ERC2: variants seen among roughly 807,000 people sequenced by gnomAD.
The protein encoded by ERC2 is ELKS/RAB6-interacting/CAST family member 2.
Under a neutral mutation model 114.8 loss-of-function variants are expected in ERC2, and 42 were observed. The ratio of observed to expected loss-of-function variants is 0.37; its 90% CI spans 0.29 to 0.47. ERC2 has a LOEUF of 0.47. ERC2 is among the 20% of genes least tolerant of loss of function. ERC2 has a pLI of 0.99. For missense variants in ERC2, 939 were observed against 1,150.7 expected, an observed-to-expected ratio of 0.82 and a Z score of 2.66; for synonymous variants, 454 against 425.5, an observed-to-expected ratio of 1.07 and a Z score of -0.82.
At chr3:56,120,245 G>A (rs1359696588) in intron 6 of ERC2, among the ~76,000 whole-genome samples, 1 of 152,160 alleles carries the variant, frequency 6.6e-6, no homozygotes, top group Non-Finnish European at 1.5e-5. Context: ...ATCAGCTTTC[G>A]ATTGGGCGCC....
intron 14 of ERC2, among the ~76,000 whole-genome samples, chr3:55,800,359 G>A (rs1255763481): frequency 6.6e-6 from 1 of 152,024 alleles, no homozygotes; most frequent in Non-Finnish European, 1.5e-5. Context: ...GGTCAGGCTG[G>A]TCTCGAACTC....
rs1215882539 is a variant in ERC2 at position 56,007,281 on chromosome 3, G to T, written c.1961C>A (p.Ala654Asp). Reference protein sequence around the residue: ...IDLKEHASSLASAGLKRDSKL... With the variant: ...IDLKEHASSLDSAGLKRDSKL... The stretch of plus-strand genomic sequence containing the variant: ...GGAATCCCTTTTCAGCCCCGCAGAG[G>T]CTAATGAAGATGCATGTTCTTTGAG... The change falls in exon 10 of 18, where the codon GCC becomes GAC. Residue 654 changes from alanine to aspartate, a missense_variant. Coordinates refer to ENST00000288221, the MANE Select transcript of ERC2 (RefSeq NM_015576.3). 6.3e-7 allele frequency: 1 copy of T among 1,598,850 alleles called. No homozygotes were observed.
At chr3:55,991,251 T>C (rs1295752563) in intron 11 of ERC2, among the ~76,000 whole-genome samples, 1 of 152,230 alleles carries the variant, frequency 6.6e-6, no homozygotes, top group Non-Finnish European at 1.5e-5. Flanking sequence ...TTTGGTGATC[T>C]CTTCCATATG....
At chr3:55,539,426 T>TC (rs1432703351) in intron 17 of ERC2, among the ~76,000 whole-genome samples, 1 of 111,404 alleles carries the variant, frequency 9.0e-6, no homozygotes. Context: ...TTTTTTTTTT[T>TC]TTTTTTTTTT....
chr3:56,132,671 G>A (rs1281286333), intron 6 of ERC2, among the ~76,000 whole-genome samples: 1 of 152,128 alleles, frequency 6.6e-6, no homozygotes, highest in East Asian at 1.9e-4. Flanking sequence ...TACTATAAAT[G>A]TACGACATGT....
At chr3:56,146,896 T>C (rs2081173172) in intron 5 of ERC2, among the ~76,000 whole-genome samples, 2 of 152,194 alleles carry the variant, frequency 1.3e-5, no homozygotes, top group South Asian at 4.1e-4. Context: ...TAACTAGCCA[T>C]TAAAAGTTAA....
intron 7 of ERC2, among the ~76,000 whole-genome samples, chr3:56,043,319 C>T (rs1176701727): frequency 6.6e-6 from 1 of 152,044 alleles, no homozygotes; most frequent in Non-Finnish European, 1.5e-5. Context: ...GGCAAAAGTA[C>T]ATTTGCACAC....
chr3:55,808,088 A>G (rs73834022), intron 14 of ERC2, among the ~76,000 whole-genome samples: 9,880 of 152,208 alleles, frequency 0.065, 508 homozygotes, highest in African/African-American at 0.14. Context: ...CTAATAAATC[A>G]TCTAAGTCTG....
At chr3:56,466,506 A>G (rs1329295459) in intron 1 of ERC2, among the ~76,000 whole-genome samples, 1 of 152,172 alleles carries the variant, frequency 6.6e-6, no homozygotes, top group Non-Finnish European at 1.5e-5. Flanking sequence ...CCAAAACTGT[A>G]AAAGTATTTT....
At chr3:56,215,409 A>C (rs1371687504) in intron 3 of ERC2, among the ~76,000 whole-genome samples, 2 of 152,256 alleles carry the variant, frequency 1.3e-5, no homozygotes, top group African/African-American at 4.8e-5. Flanking sequence ...CCATTACATA[A>C]TGGTAAAGGG....
chr3:55,978,554 G>A (rs774819626), intron 12 of ERC2, among the ~76,000 whole-genome samples: 67 of 152,144 alleles, frequency 4.4e-4, no homozygotes, highest in Non-Finnish European at 8.7e-4. Context: ...GTTACTCTTG[G>A]CATGAAAATC....
At chr3:56,445,664 C>T (rs1043608313) in intron 1 of ERC2, among the ~76,000 whole-genome samples, 1 of 152,142 alleles carries the variant, frequency 6.6e-6, no homozygotes, top group African/African-American at 2.4e-5. Context: ...CAGCCAACAG[C>T]CCCCGCCTCC....
chr3:55,807,615 A>T (rs1436570148), intron 14 of ERC2, among the ~76,000 whole-genome samples: 4 of 149,046 alleles, frequency 2.7e-5, no homozygotes, highest in African/African-American at 1.0e-4. Context: ...AAATAAAATT[A>T]AAGGACTGGA....
chr3:55,867,486 A>C (rs935990038), intron 14 of ERC2, among the ~76,000 whole-genome samples: 1 of 152,202 alleles, frequency 6.6e-6, no homozygotes, highest in Non-Finnish European at 1.5e-5. Context: ...TGGGTGGTGG[A>C]GGGAGGGGAA....
intron 3 of ERC2, among the ~76,000 whole-genome samples, chr3:56,212,670 A>C (rs550121456): frequency 6.6e-6 from 1 of 152,330 alleles, no homozygotes; most frequent in South Asian, 2.1e-4. Context: ...ATAGCGGCAC[A>C]ATTTGCAATT....
At chr3:55,829,721 T>C (rs995438942) in intron 14 of ERC2, among the ~76,000 whole-genome samples, 3 of 152,128 alleles carry the variant, frequency 2.0e-5, no homozygotes, top group Non-Finnish European at 4.4e-5. Context: ...TGTCTCACTA[T>C]ATTGCCCAGG....
intron 2 of ERC2, among the ~76,000 whole-genome samples, chr3:56,420,522 A>G (rs1041446189): frequency 6.6e-6 from 1 of 151,914 alleles, no homozygotes; most frequent in African/African-American, 2.4e-5. Flanking sequence ...ACTTACTTCT[A>G]AAAGTTTACA....
chr3:55,557,533 G>A (rs2055703420), intron 17 of ERC2, among the ~76,000 whole-genome samples: 1 of 152,234 alleles, frequency 6.6e-6, no homozygotes, highest in Non-Finnish European at 1.5e-5. Flanking sequence ...CCACCCCTTG[G>A]GGGAATCCTT....
intron 3 of ERC2, among the ~76,000 whole-genome samples, chr3:56,264,125 A>C (rs1056274680): frequency 6.6e-6 from 1 of 152,240 alleles, no homozygotes; most frequent in African/African-American, 2.4e-5. Flanking sequence ...AAAATTCTCA[A>C]GAAATTAGGT....
Sources: allele counts gnomAD v4.1 joint callset (sites outside exome capture counted in the v4.1 genomes callset), GRCh38; gene constraint gnomAD v4.1.1; transcripts MANE v1.5; gene names NCBI Gene and HGNC (gene_info 2026-07-23, HGNC 2026-07-21).